CCDC62: variants seen among roughly 807,000 people sequenced by gnomAD.
The protein encoded by CCDC62 is coiled-coil domain-containing protein 62.
A neutral mutation model predicts 80.8 loss-of-function variants in CCDC62; 72 were observed. That is an observed-to-expected ratio of 0.89 (90% confidence interval 0.74 to 1.08). CCDC62 has a LOEUF of 1.08. Ranked by LOEUF, CCDC62 falls within the 50% of genes least tolerant of loss-of-function variation. CCDC62 has a pLI of 0.00. For synonymous variants in CCDC62, 286 were observed against 296.5 expected (o/e 0.96, Z 0.36); for missense variants, 704 against 809.4 (o/e 0.87, Z 1.58).
chr12:122,806,336 G>C (rs1286625713), intron 10 of CCDC62, 41 bp downstream of exon 10: 1 of 1,544,900 alleles, frequency 6.5e-7, no homozygotes, highest in Non-Finnish European at 8.8e-7. Flanking sequence ...ACTCAAGCCA[G>C]GCCTCTCACC....
Position 122,805,032 on chromosome 12 carries a change from G to A in CCDC62, c.1707-1119G>A, listed in dbSNP as rs1324208564. On this transcript the variant is annotated intron_variant, in intron 9 of 12. Coordinates refer to ENST00000253079, the MANE Select transcript of CCDC62 (RefSeq NM_201435.5). ...CCAGAGTAGCTGAGATTACAGGCGCGCGCCACCATGCCCGGCTGATTTTTG... is the reference window on the plus strand; with the variant it reads ...CCAGAGTAGCTGAGATTACAGGCGCACGCCACCATGCCCGGCTGATTTTTG... Among the ~76,000 whole-genome samples the A allele has an allele frequency of 2.0e-5, 3 of 150,418 alleles. No individual in the cohort carries two copies. The Admixed American group carries it at 2.0e-4, about 10-fold the overall frequency.
intron 5 of CCDC62, among the ~76,000 whole-genome samples, chr12:122,791,312 T>C (rs1428777117): frequency 1.3e-5 from 2 of 152,020 alleles, no homozygotes; most frequent in Admixed American, 1.3e-4. Context: ...CTAATTTTTG[T>C]ATTTTTAGTA....
At chr12:122,776,413 C>T (rs1879459970) in intron 1 of CCDC62, 1 of 152,110 alleles carries the variant, frequency 6.6e-6, no homozygotes, top group Non-Finnish European at 1.5e-5. Context: ...AGGAAATGTT[C>T]ATTTTTAGAG....
In CCDC62 at chr12:122,827,422, G is replaced by A. The variant is rs2032677305; in HGVS notation, c.*1041G>A. 1 of 152,136 alleles carries A rather than the reference G, an allele frequency of 6.6e-6. No homozygotes were observed. Among genetic ancestry groups the A allele is most frequent in the South Asian group, 2.1e-4 (1 of 4,828 alleles). The allele number at this position is 152,136 out of a possible 1,614,324, so 9.4% of individuals were successfully genotyped here. The stretch of plus-strand genomic sequence containing the variant: ...TTCAGAGATGATTTTCATGAGCGGG[G>A]AAGAGCCACCTCATTTAGCCTTTTT... On this transcript the variant is annotated 3_prime_UTR_variant, in exon 13 of 13. Coordinates refer to ENST00000253079, the MANE Select transcript of CCDC62 (RefSeq NM_201435.5).
At chr12:122,795,630 T>C (rs1007220625) in intron 6 of CCDC62, among the ~76,000 whole-genome samples, 2 of 152,092 alleles carry the variant, frequency 1.3e-5, no homozygotes, top group African/African-American at 2.4e-5. Flanking sequence ...TTCACCGTGT[T>C]AGCCAGGATG....
At chr12:122,784,679 A>T (rs905375309) in intron 3 of CCDC62, among the ~76,000 whole-genome samples, 21 of 152,114 alleles carry the variant, frequency 1.4e-4, no homozygotes, top group African/African-American at 5.1e-4. Flanking sequence ...AAATACAAAA[A>T]TAAAAATTAA....
At chr12:122,809,677 T>C (rs2031783109) in intron 10 of CCDC62, among the ~76,000 whole-genome samples, 1 of 152,186 alleles carries the variant, frequency 6.6e-6, no homozygotes, top group Non-Finnish European at 1.5e-5. Context: ...ACTTTAAAGT[T>C]CATATAGAAC....
At chr12:122,798,303 A>G (rs1413825275) in intron 8 of CCDC62, 103 bp downstream of exon 8, 2 of 673,618 alleles carry the variant, frequency 3.0e-6, no homozygotes, top group African/African-American at 1.9e-5. Flanking sequence ...TATTCCCCAT[A>G]TGGTAGGAAA....
chr12:122,781,349 T>A lies in CCDC62; in HGVS notation c.396+19T>A. The stretch of plus-strand genomic sequence containing the variant: ...CCTTGAGGTTGGGATTAGTTTTTGA[T>A]AAGCTTCACTAGTCCAAATTCCCTT... On this transcript the variant is annotated intron_variant, in intron 3 of 12. Coordinates refer to ENST00000253079, the MANE Select transcript of CCDC62 (RefSeq NM_201435.5). 6.2e-7 allele frequency: 1 copy of A among 1,604,650 alleles called. No homozygotes were observed. Among genetic ancestry groups the A allele is most frequent in the Non-Finnish European group, 8.5e-7 (1 of 1,174,498 alleles).
chr12:122,785,267 A>G (rs1696320), intron 3 of CCDC62, among the ~76,000 whole-genome samples: 121,474 of 152,192 alleles, frequency 0.8, 49,431 homozygotes, highest in Middle Eastern at 0.9. Flanking sequence ...CCCAGTATGA[A>G]GTTCTTTCGA....
At position 122,792,045 on chromosome 12, in the gene CCDC62, A is replaced by G. The variant is rs369757219; in HGVS notation, c.696A>G (p.Glu232=). Residue 232 remains glutamate, a synonymous_variant, in exon 6 of 13, where the codon GAA becomes GAG. Coordinates refer to ENST00000253079, the MANE Select transcript of CCDC62 (RefSeq NM_201435.5). ...LKEDLNEKTT[E]NNEQREEIIR... ...AGGACCTCAATGAAAAGACGACAGA[A>G]AATAATGAGCAACGAGAAGAGATCA... The G allele has an allele frequency of 1.9e-4, 308 of 1,614,054 alleles. 6 individuals carry two copies. In the South Asian group the frequency reaches 2.9e-3, roughly 15 times the overall value.
At chr12:122,786,533 C>T (rs1367594761) in intron 4 of CCDC62, among the ~76,000 whole-genome samples, 1 of 152,150 alleles carries the variant, frequency 6.6e-6, no homozygotes. Context: ...GATACACACT[C>T]TCCTGCTGTT....
intron 10 of CCDC62, among the ~76,000 whole-genome samples, chr12:122,810,279 A>G (rs10847759): frequency 0.84 from 128,055 of 151,976 alleles, 55,205 homozygotes; most frequent in East Asian, 0.99. Context: ...ATCTGACAAA[A>G]GGCTAATATC....
intron 11 of CCDC62, 34 bp downstream of exon 11, chr12:122,813,453 C>T (rs762310672): frequency 1.3e-6 from 2 of 1,583,518 alleles, no homozygotes; most frequent in Admixed American, 3.5e-5. Context: ...CTATATTTGT[C>T]ACATCCAAAC....
intron 12 of CCDC62, among the ~76,000 whole-genome samples, chr12:122,823,725 G>C (rs973552079): frequency 6.6e-6 from 1 of 150,862 alleles, no homozygotes; most frequent in South Asian, 2.1e-4. Flanking sequence ...AAAAAAGGCC[G>C]GGCGTGGTGG....
intron 8 of CCDC62, among the ~76,000 whole-genome samples, chr12:122,800,691 T>G (rs2031248034): frequency 6.6e-6 from 1 of 152,188 alleles, no homozygotes; most frequent in Non-Finnish European, 1.5e-5. Flanking sequence ...CCTCCCAAAG[T>G]ACCGGGATTA....
chr12:122,778,076 T>C (rs1879589798), intron 2 of CCDC62, among the ~76,000 whole-genome samples: 1 of 152,150 alleles, frequency 6.6e-6, no homozygotes, highest in African/African-American at 2.4e-5. Context: ...TTTAAAGTTA[T>C]AGCTGTCCGG....
intron 10 of CCDC62, among the ~76,000 whole-genome samples, chr12:122,812,754 A>G (rs2031959383): frequency 1.5e-5 from 1 of 67,844 alleles, no homozygotes; most frequent in Non-Finnish European, 2.8e-5. Flanking sequence ...AGAGAGAGGG[A>G]GGGAGAGAGA....
chr12:122,811,457 C>G (rs1271512449), intron 10 of CCDC62, among the ~76,000 whole-genome samples: 3 of 149,826 alleles, frequency 2.0e-5, no homozygotes, highest in South Asian at 2.1e-4. Flanking sequence ...GTGATCTGCT[C>G]GCCTCAGCCT....
Sources: gnomAD v4.1 joint callset for allele counts (sites outside exome capture counted in the v4.1 genomes callset) on GRCh38, gnomAD v4.1.1 for gene constraint, MANE v1.5 for transcripts, NCBI Gene and HGNC (gene_info 2026-07-23, HGNC 2026-07-21) for gene names.